AOPEP: variants seen among roughly 807,000 people sequenced by gnomAD.
AOPEP encodes aminopeptidase O (putative).
AOPEP carries 77 observed loss-of-function variants against 98.1 expected under a neutral mutation model. The observed-to-expected ratio is 0.78, with a 90% CI of 0.65 to 0.95. The LOEUF (loss-of-function observed/expected upper bound fraction) is 0.95, where lower values mean the gene tolerates loss of function less well. Among genes scored for constraint, AOPEP ranks in the 40% least tolerant of loss-of-function variants. AOPEP has a pLI of 0.00. For missense variants in AOPEP, 1,024 were observed against 1,024.7 expected, an observed-to-expected ratio of 1.00 and a Z score of 0.01; for synonymous variants, 346 against 365.3, an observed-to-expected ratio of 0.95 and a Z score of 0.60.
chr9:95,125,158 G>A, the AOPEP span: 4 of 1,614,050 alleles, frequency 2.5e-6, no homozygotes, highest in Middle Eastern at 4.9e-4. Context: ...TGATTTCCAG[G>A]GCCCCATCGG....
At chr9:94,905,344 A>C (rs1234215763) in intron 5 of AOPEP, among the ~76,000 whole-genome samples, 1 of 152,190 alleles carries the variant, frequency 6.6e-6, no homozygotes. Context: ...CTCCACTTAC[A>C]TATCGTTTAA....
chr9:95,102,995 T>C, the AOPEP span, among the ~76,000 whole-genome samples: 4 of 152,302 alleles, frequency 2.6e-5, no homozygotes, highest in African/African-American at 9.6e-5. Flanking sequence ...GGCGTCTGTA[T>C]TGCTATCACT....
chr9:95,095,714 G>T, the AOPEP span, among the ~76,000 whole-genome samples: 1 of 152,174 alleles, frequency 6.6e-6, no homozygotes, highest in Admixed American at 6.5e-5. Flanking sequence ...AGGAGGCATG[G>T]AAGTCCGCAG....
intron 7 of AOPEP, among the ~76,000 whole-genome samples, chr9:94,943,555 C>T (rs1310756407): frequency 6.6e-6 from 1 of 150,480 alleles, no homozygotes; most frequent in Admixed American, 6.6e-5. Context: ...GATCGTGCCC[C>T]TGCACTCCAG....
intron 13 of AOPEP, among the ~76,000 whole-genome samples, chr9:95,051,507 G>A (rs1456521395): frequency 6.6e-6 from 1 of 151,992 alleles, no homozygotes; most frequent in African/African-American, 2.4e-5. Context: ...ATACAGTTGA[G>A]TTTTTGCACA....
At chr9:95,075,795 G>T (rs2068986615) in intron 14 of AOPEP, among the ~76,000 whole-genome samples, 1 of 152,222 alleles carries the variant, frequency 6.6e-6, no homozygotes, top group Admixed American at 6.5e-5. Flanking sequence ...GCTGAGGCCA[G>T]AGGATCGCTT....
At chr9:94,782,715 A>C (rs1843561384) in intron 3 of AOPEP, among the ~76,000 whole-genome samples, 1 of 152,250 alleles carries the variant, frequency 6.6e-6, no homozygotes, top group South Asian at 2.1e-4. Context: ...GAACTAGGGA[A>C]ACTTTATTCC....
At chr9:94,899,556 C>T (rs1368595515) in intron 5 of AOPEP, among the ~76,000 whole-genome samples, 1 of 151,796 alleles carries the variant, frequency 6.6e-6, no homozygotes, top group Middle Eastern at 3.4e-3. Flanking sequence ...TTGAGACCAG[C>T]CTGGGCAACA....
At chr9:95,133,178 C>T in the AOPEP span, among the ~76,000 whole-genome samples, 1 of 152,226 alleles carries the variant, frequency 6.6e-6, no homozygotes, top group Non-Finnish European at 1.5e-5. Context: ...ATCACTTAGC[C>T]ACGTCACAGG....
At chr9:95,110,997 G>A in the AOPEP span, 12 of 1,427,850 alleles carry the variant, frequency 8.4e-6, no homozygotes, top group Non-Finnish European at 9.1e-6. Flanking sequence ...AGCCAGTAAT[G>A]TGAGGATCTG....
intron 13 of AOPEP, among the ~76,000 whole-genome samples, chr9:95,029,852 G>T (rs948326290): frequency 8.5e-5 from 13 of 152,102 alleles, no homozygotes; most frequent in Admixed American, 8.5e-4. Flanking sequence ...CTGGGAGATG[G>T]GTGGCATTAC....
chr9:95,128,520 T>C, the AOPEP span, among the ~76,000 whole-genome samples: 1 of 152,220 alleles, frequency 6.6e-6, no homozygotes, highest in Non-Finnish European at 1.5e-5. Context: ...ATACTAATTA[T>C]AGGGATTTCC....
At chr9:94,899,130 C>T (rs2136199102) in intron 5 of AOPEP, among the ~76,000 whole-genome samples, 1 of 149,358 alleles carries the variant, frequency 6.7e-6, no homozygotes, top group Non-Finnish European at 1.5e-5. Context: ...AGAAAAAGTC[C>T]AAGTGGAGGA....
At chr9:94,939,771 A>C (rs1444510338) in intron 7 of AOPEP, among the ~76,000 whole-genome samples, 3 of 152,198 alleles carry the variant, frequency 2.0e-5, no homozygotes, top group African/African-American at 7.2e-5. Flanking sequence ...CATTGGTTCC[A>C]GGACTGCCCC....
chr9:94,947,608 T>C (rs1181128021), intron 7 of AOPEP, among the ~76,000 whole-genome samples: 1 of 152,236 alleles, frequency 6.6e-6, no homozygotes, highest in Non-Finnish European at 1.5e-5. Context: ...CCAAGTCCCA[T>C]GCATTTTTCC....
chr9:94,924,038 T>C lies in AOPEP; in HGVS notation c.1417T>C (p.Cys473Arg), dbSNP rs1433270184. The change falls in exon 6 of 17, where the codon TGT becomes CGT. Residue 473 changes from cysteine to arginine, a missense_variant. This residue lies in a region of AOPEP where 566 missense variants were observed against 551.7 expected (regional missense o/e 1.03). Coordinates refer to ENST00000375315, the MANE Select transcript of AOPEP (RefSeq NM_001193329.3). ...QSILTGGNHL[C>R]GTRLCHEIAH... The stretch of plus-strand genomic sequence containing the variant: ...CATCTTGACAGGAGGGAACCATCTC[T>C]GTGGGACCCGCCTCTGCCATGAAAT... 3 of 1,515,638 alleles carry C rather than the reference T, an allele frequency of 2.0e-6. No homozygotes were observed. The African/African-American group carries it at 4.2e-5, about 21-fold the overall frequency. The allele number at this position is 1,515,638 out of a possible 1,614,324, so 93.9% of individuals were successfully genotyped here.
intron 14 of AOPEP, among the ~76,000 whole-genome samples, chr9:95,075,119 T>A (rs2134136049): frequency 6.6e-6 from 1 of 152,268 alleles, no homozygotes; most frequent in African/African-American, 2.4e-5. Context: ...CCTCGCCCCT[T>A]TGGTCATGGT....
chr9:94,867,438 C>A (rs1238537958), intron 5 of AOPEP, among the ~76,000 whole-genome samples: 2 of 152,208 alleles, frequency 1.3e-5, no homozygotes, highest in Admixed American at 6.5e-5. Context: ...TCAGCCTCAG[C>A]AGTCCACGTA....
intron 5 of AOPEP, among the ~76,000 whole-genome samples, chr9:94,902,912 G>T (rs1406944970): frequency 6.6e-6 from 1 of 151,714 alleles, no homozygotes; most frequent in Non-Finnish European, 1.5e-5. Context: ...AAAGTTCACT[G>T]GTGTGGTGGT....
Sources: allele counts gnomAD v4.1 joint callset (sites outside exome capture counted in the v4.1 genomes callset), GRCh38; gene constraint gnomAD v4.1.1; regional missense constraint gnomAD v4.1.1; transcripts MANE v1.5; gene names NCBI Gene and HGNC (gene_info 2026-07-23, HGNC 2026-07-21).